The following EPS8L1 variants were observed in gnomAD, a reference collection of about 807,000 sequenced individuals.
The protein encoded by EPS8L1 is epidermal growth factor receptor kinase substrate 8-like protein 1.
EPS8L1 carries 101 observed loss-of-function variants against 91.7 expected under a neutral mutation model. The ratio of observed to expected loss-of-function variants is 1.10; its 90% CI spans 0.94 to 1.30. The LOEUF (loss-of-function observed/expected upper bound fraction) is 1.30. Ranked by LOEUF, EPS8L1 falls within the 50% of genes most tolerant of loss-of-function variation. The pLI, the probability that EPS8L1 is intolerant of heterozygous loss-of-function variation, is 0.00. For missense variants in EPS8L1, 1,114 were observed against 1,017.0 expected (o/e 1.10, Z -1.30); for synonymous variants, 506 against 445.3 (o/e 1.14, Z -1.72).
chr19:55,079,762 G>A lies in EPS8L1; in HGVS notation c.190G>A (p.Val64Ile), dbSNP rs780456664. The A allele has an allele frequency of 9.3e-6, 15 of 1,614,012 alleles. No homozygotes were observed. Among genetic ancestry groups the A allele is most frequent in the African/African-American group, 4.0e-5 (3 of 74,924 alleles). The change falls in exon 5 of 20, where the codon GTC becomes ATC. Residue 64 changes from valine to isoleucine, a missense_variant. Transcript: ENST00000201647. ...TVEDASRKLA[V>I]MDSQGRVWAQ... is the part of the protein sequence containing the mutation. ...GGAGGATGCCTCCAGGAAGTTGGCC[G>A]TCATGGATAGCCAGGGCCGAGTCTG...
At position 55,081,741 on chromosome 19, in the gene EPS8L1, A is replaced by G; in HGVS notation, c.775-32A>G. ...GACGGGGATGGTTTTGGAACTCGGG[A>G]GCCCTGAGCGTCCCCCTCCTCTGTC... On this transcript the variant is annotated intron_variant, in intron 8 of 19. Transcript: ENST00000201647. The surrounding 1 kb of genome is among the most constrained non-coding windows in gnomAD (Gnocchi z 4.9). 3 of 1,577,424 alleles carry G rather than the reference A, an allele frequency of 1.9e-6. No individual in the cohort carries two copies. The highest frequency in any genetic ancestry group is 1.1e-5 in the South Asian group (1 of 87,924).
In EPS8L1 at chr19:55,083,635, C is replaced by T. The variant is rs1284972531; in HGVS notation, c.1376C>T (p.Ala459Val). The change falls in exon 14 of 20, where the codon GCT becomes GTT. Residue 459 changes from alanine to valine, a missense_variant. Physicochemically the swap from Ala to Val is moderately conservative, Grantham distance 64 (BLOSUM62 0). Transcript: ENST00000201647. This position sits in a 1 kb window ranked among gnomAD's most constrained non-coding sequence, Gnocchi z 4.7. Reference protein sequence around the residue: ...RRRQQSAPQVAVNGHRDLEPE... With the variant: ...RRRQQSAPQVVVNGHRDLEPE... ...CTACAGCAAAGCGCCCCCCAGGTCG[C>T]TGTCAATGGGTGAGTGTCCGCCCCA... The T allele has an allele frequency of 1.1e-5, 17 of 1,594,864 alleles. No homozygotes were observed. Among genetic ancestry groups the T allele is most frequent in the Non-Finnish European group, 1.5e-5 (17 of 1,171,198 alleles).
intron 5 of EPS8L1, 70 bp downstream of exon 5, chr19:55,079,921 G>C: frequency 6.6e-7 from 1 of 1,511,396 alleles, no homozygotes; most frequent in Non-Finnish European, 8.9e-7. Flanking sequence ...TGTGAATCTT[G>C]GCTCCTGCAC....
In EPS8L1 at chr19:55,080,291, G is replaced by T. The variant is rs1439350413; in HGVS notation, c.429+13G>T. 8 of 1,535,066 alleles carry T rather than the reference G, an allele frequency of 5.2e-6. 1 individual carries two copies. In the Admixed American group the frequency reaches 1.6e-4, roughly 31 times the overall value. ...CCTGCGCCTCGGGGTGAGCAGATGG[G>T]CTGGCTCTGGGGGTGGAGCTGGAAC... On this transcript the variant is annotated intron_variant, in intron 6 of 19. Transcript: ENST00000201647.
Position 55,086,897 on chromosome 19 carries a change from G to C in EPS8L1, c.1952+9G>C. 1 of 1,420,570 alleles carries C rather than the reference G, an allele frequency of 7.0e-7. No individual in the cohort carries two copies. The highest frequency in any genetic ancestry group is 1.5e-5 in the South Asian group (1 of 65,436). 88.0% of individuals were successfully genotyped at this position (1,420,570 alleles called of 1,614,324 possible). On this transcript the variant is annotated intron_variant, in intron 18 of 19. Coordinates refer to ENST00000201647, the MANE Select transcript of EPS8L1 (RefSeq NM_133180.3). ...AAGGGCTTTAGCTCCGGGTGAGTGGGGCCGGGGCCCTCTCGGCGCGGGTTG... is the reference window on the plus strand; with the variant it reads ...AAGGGCTTTAGCTCCGGGTGAGTGGCGCCGGGGCCCTCTCGGCGCGGGTTG...
intron 19 of EPS8L1, 34 bp from the exon 20 acceptor site, chr19:55,087,481 CGAGGGCTCGGACG>C: frequency 6.2e-7 from 1 of 1,614,044 alleles, no homozygotes; most frequent in Non-Finnish European, 8.5e-7. Flanking sequence ...GTTGGGATGA[CGAGGGCTCGGACG>C]CCAGGACAAA....
In EPS8L1 at chr19:55,085,915, A is replaced by T; in HGVS notation, c.1460A>T (p.Tyr487Phe). Residue 487 changes from tyrosine (Y) to phenylalanine (F), a missense_variant, in exon 15 of 20, where the codon TAT becomes TTT. Tyr to Phe is a conservative substitution (Grantham distance 22). Coordinates refer to ENST00000201647, the MANE Select transcript of EPS8L1 (RefSeq NM_133180.3). The part of the protein sequence containing the change: ...ETAGKWVLCN[Y>F]DFQARNSSEL... Reference sequence around the variant, plus strand: ...GCAGGAAAATGGGTCCTGTGTAATTATGACTTCCAGGCCCGCAACAGCAGT... The same window carrying T: ...GCAGGAAAATGGGTCCTGTGTAATTTTGACTTCCAGGCCCGCAACAGCAGT... 6.2e-7 allele frequency: 1 copy of T among 1,613,740 alleles called. No individual in the cohort carries two copies. The highest frequency in any genetic ancestry group is 8.5e-7 in the Non-Finnish European group (1 of 1,179,860).
Position 55,085,412 on chromosome 19 carries a change from G to A in EPS8L1, c.1386-429G>A, listed in dbSNP as rs551377553. Among the ~76,000 whole-genome samples the A allele has an allele frequency of 3.7e-4, 57 of 152,268 alleles. 1 individual carries two copies. Among genetic ancestry groups the A allele is most frequent in the Non-Finnish European group, 7.6e-4 (52 of 68,008 alleles). The stretch of plus-strand genomic sequence containing the variant: ...GATCTCTTGACCTCATGATCTGCCC[G>A]CCTCAGCCTCCCAAAGCGCTGGGAT... On this transcript the variant is annotated intron_variant, in intron 14 of 19. Coordinates refer to ENST00000201647, the MANE Select transcript of EPS8L1 (RefSeq NM_133180.3).
Position 55,082,183 on chromosome 19 carries a change from G to A in EPS8L1, c.990+3G>A, listed in dbSNP as rs745577107. 5.6e-5 allele frequency: 89 copies of A among 1,593,324 alleles called. No individual in the cohort carries two copies. The highest frequency in any genetic ancestry group is 7.1e-5 in the Non-Finnish European group (83 of 1,170,024). On this transcript the variant is annotated splice_donor_region_variant and intron_variant, in intron 10 of 19. Transcript: ENST00000201647. The stretch of plus-strand genomic sequence containing the variant: ...TCAAGTACGCCTTCAGCCTGCTGGT[G>A]AGGACGCGCCCGCCCCTGGGCCGGG...
chr19:55,080,993 C>T lies in EPS8L1; in HGVS notation c.512+139C>T, dbSNP rs1353247584. The stretch of plus-strand genomic sequence containing the variant: ...CCTAGTCGAGTCTTGTCTGTACCTC[C>T]CAGACGAGCTGACCCCTTCTCCAGA... On this transcript the variant is annotated intron_variant, in intron 7 of 19. Transcript: ENST00000201647. 6.5e-6 allele frequency: 6 copies of T among 925,584 alleles called. No individual in the cohort carries two copies. In the South Asian group the frequency reaches 1.0e-4, roughly 16 times the overall value. 57.3% of individuals were successfully genotyped at this position (925,584 alleles called of 1,614,324 possible).
rs767227239 is a variant in EPS8L1, at chr19:55,081,880, C to A, written c.882C>A (p.Ser294Arg). The A allele has an allele frequency of 2.5e-6, 4 of 1,608,174 alleles. No individual in the cohort carries two copies. Among genetic ancestry groups the A allele is most frequent in the Non-Finnish European group, 3.4e-6 (4 of 1,176,584 alleles). Reference sequence around the variant, plus strand: ...AGCACCGGGAACGCGGCCGCAGGAGCCGGCGCCGGGCGGCTGGGGGTAAGG... The same window carrying A: ...AGCACCGGGAACGCGGCCGCAGGAGACGGCGCCGGGCGGCTGGGGGTAAGG... ...VLEHRERGRR[S>R]RRRAAGEGLL... The change falls in exon 9 of 20, where the codon AGC (serine) becomes AGA (arginine). Residue 294 changes from serine (S) to arginine (R), a missense_variant. Physicochemically the swap from Ser to Arg is moderately radical, Grantham distance 110. Coordinates refer to ENST00000201647, the MANE Select transcript of EPS8L1 (RefSeq NM_133180.3). This position sits in a 1 kb window ranked among gnomAD's most constrained non-coding sequence, Gnocchi z 4.9.
chr19:55,078,957 T>G (rs748651732), intron 3 of EPS8L1, 42 bp from the exon 4 acceptor site: 2 of 1,607,758 alleles, frequency 1.2e-6, no homozygotes, highest in Admixed American at 1.7e-5. Context: ...GAGGAGGGGC[T>G]GGGCCTGGAC....
chr19:55,083,366 C>T lies in EPS8L1; in HGVS notation c.1215-12C>T. On this transcript the variant is annotated splice_polypyrimidine_tract_variant and intron_variant, in intron 12 of 19. Transcript: ENST00000201647. The surrounding 1 kb of genome is among the most constrained non-coding windows in gnomAD (Gnocchi z 4.7). ...AGGATCCCTGAGCTCTTGGCCCTGTCCCTGGCCGCAGGCTGGAGCTGTCCC... is the reference window on the plus strand; with the variant it reads ...AGGATCCCTGAGCTCTTGGCCCTGTTCCTGGCCGCAGGCTGGAGCTGTCCC... 1 of 1,611,642 alleles carries T rather than the reference C, an allele frequency of 6.2e-7. No homozygotes were observed. The highest frequency in any genetic ancestry group is 1.3e-5 in the African/African-American group (1 of 75,020).
chr19:55,085,763 A>G, intron 14 of EPS8L1, 78 bp from the exon 15 acceptor site: 1 of 1,528,782 alleles, frequency 6.5e-7, no homozygotes, highest in Middle Eastern at 1.9e-4. Flanking sequence ...CTCTAACCCC[A>G]GCTCACACCA....
chr19:55,080,758 G>A lies in EPS8L1; in HGVS notation c.430-14G>A, dbSNP rs749784199. The A allele has an allele frequency of 4.4e-5, 71 of 1,610,494 alleles. No individual in the cohort carries two copies. Among genetic ancestry groups the A allele is most frequent in the Non-Finnish European group, 5.6e-5 (66 of 1,178,402 alleles). ...GCGGCGTGGGGAGGCGTGGCCTGAC[G>A]GTGTGATTGGCAGGCGGAGCTGATC... On this transcript the variant is annotated splice_polypyrimidine_tract_variant and intron_variant, in intron 6 of 19. Coordinates refer to ENST00000201647, the MANE Select transcript of EPS8L1 (RefSeq NM_133180.3).
rs1568793722 is a variant in EPS8L1, at chr19:55,083,610, C to CTACA, written c.1357-5_1357-2dup. 1.3e-6 allele frequency: 2 copies of CTACA among 1,596,818 alleles called. No homozygotes were observed. Among genetic ancestry groups the CTACA allele is most frequent in the East Asian group, 2.3e-5 (1 of 44,248 alleles). The stretch of plus-strand genomic sequence containing the variant: ...CCGCCTGACCCGACTGTCTTACTTC[C>CTACA]TACAGCAAAGCGCCCCCCAGGTCGC... On this transcript the variant is annotated splice_region_variant and splice_polypyrimidine_tract_variant and intron_variant, in intron 13 of 19. Coordinates refer to ENST00000201647, the MANE Select transcript of EPS8L1 (RefSeq NM_133180.3). The surrounding 1 kb of genome is among the most constrained non-coding windows in gnomAD (Gnocchi z 4.7).
Position 55,081,689 on chromosome 19 carries a change from T to C in EPS8L1, c.775-84T>C, listed in dbSNP as rs1368013632. 2 of 1,525,588 alleles carry C rather than the reference T, an allele frequency of 1.3e-6. No homozygotes were observed. Among genetic ancestry groups the C allele is most frequent in the East Asian group, 2.3e-5 (1 of 43,956 alleles). The allele number at this position is 1,525,588 out of a possible 1,614,324, so 94.5% of individuals were successfully genotyped here. A position where few individuals can be genotyped will look rare whatever the true frequency, so the allele number is the denominator to read the frequency against. On this transcript the variant is annotated intron_variant, in intron 8 of 19. Coordinates refer to ENST00000201647, the MANE Select transcript of EPS8L1 (RefSeq NM_133180.3). The surrounding 1 kb of genome is among the most constrained non-coding windows in gnomAD (Gnocchi z 4.9). ...TGGGGCGTGGCCTGATCTGGGGAAGTGTATAGGTGCTCAGGTTCAGGGCTT... is the reference window on the plus strand; with the variant it reads ...TGGGGCGTGGCCTGATCTGGGGAAGCGTATAGGTGCTCAGGTTCAGGGCTT...
chr19:55,080,937 G>A (rs2076245098), intron 7 of EPS8L1, 83 bp downstream of exon 7: 2 of 1,319,106 alleles, frequency 1.5e-6, no homozygotes, highest in Non-Finnish European at 2.1e-6. Flanking sequence ...GCCTGGAACA[G>A]AACAAGAGTT....
chr19:55,079,208 T>G, intron 4 of EPS8L1, 151 bp downstream of exon 4: 1 of 768,690 alleles, frequency 1.3e-6, no homozygotes, highest in Non-Finnish European at 2.2e-6. Context: ...TTGCCTCACC[T>G]CAGTCATGGA....
Sources: allele counts gnomAD v4.1 joint callset (sites outside exome capture counted in the v4.1 genomes callset), GRCh38; gene constraint gnomAD v4.1.1; non-coding constraint Gnocchi (gnomAD v3.1); transcripts MANE v1.5; gene names NCBI Gene and HGNC (gene_info 2026-07-23, HGNC 2026-07-21).